Variants in TBC1D5 observed in about 807,000 individuals in gnomAD.
The protein encoded by TBC1D5 is TBC1 domain family, member 5.
A neutral mutation model predicts 100.3 loss-of-function variants in TBC1D5; 75 were observed. The ratio of observed to expected loss-of-function variants is 0.75; its 90% CI spans 0.62 to 0.91. The LOEUF is 0.91. TBC1D5 is among the 40% of genes least tolerant of loss of function. The pLI is 0.00. For synonymous variants in TBC1D5, 323 were observed against 325.6 expected (o/e 0.99, Z 0.09); for missense variants, 910 against 942.4 (o/e 0.97, Z 0.45).
rs148714872 is a variant in TBC1D5 at position 17,314,429 on chromosome 3, C to T, written c.996-6295G>A. Among the ~76,000 whole-genome samples the T allele has an allele frequency of 1.9e-3, 295 of 152,180 alleles. 1 individual carries two copies. The highest frequency in any genetic ancestry group is 6.8e-3 in the African/African-American group (282 of 41,526). On this transcript the variant is annotated intron_variant, in intron 13 of 21. Transcript: ENST00000253692. ...ACATACATTCTAAGCAGTAAGTGAT[C>T]AGATTTATGCAGGAATTTATAAAAG...
chr3:17,423,872 A>T (rs1259183090), intron 4 of TBC1D5, among the ~76,000 whole-genome samples: 3 of 152,186 alleles, frequency 2.0e-5, no homozygotes, highest in African/African-American at 4.8e-5. Flanking sequence ...CAATATTTTG[A>T]GTTTCCCTGA....
At chr3:17,232,876 T>A (rs1178117025) in intron 17 of TBC1D5, among the ~76,000 whole-genome samples, 1 of 152,122 alleles carries the variant, frequency 6.6e-6, no homozygotes, top group Non-Finnish European at 1.5e-5. Context: ...AAAAACATGG[T>A]ATGGATTTTA....
intron 3 of TBC1D5, among the ~76,000 whole-genome samples, chr3:17,472,435 T>C (rs1232343060): frequency 1.3e-5 from 2 of 152,092 alleles, no homozygotes; most frequent in South Asian, 2.1e-4. Context: ...CAAAGGGAGA[T>C]TTTTTACTAC....
At chr3:17,328,720 T>G (rs1247217507) in intron 13 of TBC1D5, among the ~76,000 whole-genome samples, 2 of 152,222 alleles carry the variant, frequency 1.3e-5, no homozygotes, top group Non-Finnish European at 2.9e-5. Context: ...AAAGTTATAC[T>G]CACAAAGCTT....
chr3:17,326,588 T>C (rs2086175031), intron 13 of TBC1D5, among the ~76,000 whole-genome samples: 1 of 152,214 alleles, frequency 6.6e-6, no homozygotes, highest in Admixed American at 6.5e-5. Flanking sequence ...TTCTCCTGCC[T>C]TAGCCTCCTG....
At chr3:17,704,933 T>C in intron 1 of TBC1D5, among the ~76,000 whole-genome samples, 1 of 80,642 alleles carries the variant, frequency 1.2e-5, no homozygotes, top group African/African-American at 5.1e-5. Context: ...GGCTCCTCAC[T>C]TCCCAGTAGG....
chr3:17,616,992 T>A (rs1184517412), intron 2 of TBC1D5, among the ~76,000 whole-genome samples: 2 of 152,258 alleles, frequency 1.3e-5, no homozygotes, highest in African/African-American at 4.8e-5. Flanking sequence ...ATTGATGGTT[T>A]TTACAATTTG....
At position 17,581,721 on chromosome 3, in the gene TBC1D5, C is replaced by T. The variant is rs531522538; in HGVS notation, c.-36+42128G>A. Among the ~76,000 whole-genome samples the T allele has an allele frequency of 3.3e-5, 5 of 152,332 alleles. No individual in the cohort carries two copies. In the South Asian group the frequency reaches 1.0e-3, roughly 32 times the overall value. ...CGCTCCCTTAAAATCTATTCTCAAG[C>T]TGGCAGCCAGTATTTCTTTTAAACT... is the stretch of plus-strand genomic sequence containing the variant. On this transcript the variant is annotated intron_variant, in intron 2 of 21. Coordinates refer to ENST00000253692, the Ensembl canonical transcript of TBC1D5.
intron 1 of TBC1D5, among the ~76,000 whole-genome samples, chr3:17,635,881 G>A (rs1560338916): frequency 6.6e-6 from 1 of 152,062 alleles, no homozygotes; most frequent in Non-Finnish European, 1.5e-5. Flanking sequence ...AAAGCTGGGA[G>A]GGCAAGTGAC....
At chr3:17,554,712 C>T (rs1339462282) in intron 2 of TBC1D5, among the ~76,000 whole-genome samples, 1 of 152,148 alleles carries the variant, frequency 6.6e-6, no homozygotes, top group Non-Finnish European at 1.5e-5. Context: ...TCCTAAAAGG[C>T]ATGCAGAATT....
chr3:17,289,043 G>A (rs1427025139), intron 15 of TBC1D5, among the ~76,000 whole-genome samples: 2 of 152,314 alleles, frequency 1.3e-5, no homozygotes, highest in East Asian at 1.9e-4. Context: ...CTGGGGCTTC[G>A]GGGTTGTGGG....
intron 13 of TBC1D5, among the ~76,000 whole-genome samples, chr3:17,348,905 T>C (rs1250594404): frequency 6.6e-6 from 1 of 152,176 alleles, no homozygotes; most frequent in Non-Finnish European, 1.5e-5. Context: ...GACTGAGATA[T>C]TTGGTTATTA....
chr3:17,283,136 AC>A (rs1232415884), intron 15 of TBC1D5, among the ~76,000 whole-genome samples: 1 of 152,234 alleles, frequency 6.6e-6, no homozygotes, highest in Non-Finnish European at 1.5e-5. Context: ...AAACTTTCTG[AC>A]CATTTAAGTC....
chr3:17,540,398 A>T (rs1444727242), intron 2 of TBC1D5, among the ~76,000 whole-genome samples: 1 of 152,160 alleles, frequency 6.6e-6, no homozygotes, highest in African/African-American at 2.4e-5. Context: ...CTGCCGAATA[A>T]ATCACTGTCA....
intron 3 of TBC1D5, among the ~76,000 whole-genome samples, chr3:17,429,624 G>C (rs1433136060): frequency 5.3e-5 from 8 of 151,806 alleles, no homozygotes; most frequent in Admixed American, 5.2e-4. Flanking sequence ...TAATTACAGA[G>C]CTTTCACTTT....
At chr3:17,507,995 T>C (rs2095861401) in intron 3 of TBC1D5, among the ~76,000 whole-genome samples, 1 of 150,478 alleles carries the variant, frequency 6.6e-6, no homozygotes, top group South Asian at 2.1e-4. Flanking sequence ...TTTTAAAATA[T>C]AACACAAATT....
chr3:17,639,337 AAAAT>A (rs1217645838), intron 1 of TBC1D5, among the ~76,000 whole-genome samples: 4 of 152,084 alleles, frequency 2.6e-5, no homozygotes, highest in Non-Finnish European at 4.4e-5. Flanking sequence ...TAAACACTAA[AAAAT>A]AAATAAATAA....
rs184198817 is a variant in TBC1D5 at position 17,613,194 on chromosome 3, G to A, written c.-36+10655C>T. ...AATGATGGTTTCCAGCTTCATCCACGTCCCTGCAAAGGACATGAACTCATC... is the reference window on the plus strand; with the variant it reads ...AATGATGGTTTCCAGCTTCATCCACATCCCTGCAAAGGACATGAACTCATC... On this transcript the variant is annotated intron_variant, in intron 2 of 21. Coordinates refer to ENST00000253692, the Ensembl canonical transcript of TBC1D5. Among the ~76,000 whole-genome samples the A allele has an allele frequency of 1.1e-3, 162 of 152,176 alleles. 2 individuals carry two copies. The South Asian group carries it at 0.018, about 17-fold the overall frequency.
chr3:17,453,108 T>C (rs1235752474), intron 3 of TBC1D5, among the ~76,000 whole-genome samples: 1 of 148,240 alleles, frequency 6.7e-6, no homozygotes, highest in Non-Finnish European at 1.5e-5. Context: ...AAAAGTGTCT[T>C]GAAACAAATG....
Sources: allele counts gnomAD v4.1 joint callset (sites outside exome capture counted in the v4.1 genomes callset), GRCh38; gene constraint gnomAD v4.1.1; transcripts MANE v1.5; gene names NCBI Gene and HGNC (gene_info 2026-07-23, HGNC 2026-07-21).